TRPV1: variants seen among roughly 807,000 people sequenced by gnomAD.
The protein encoded by TRPV1 is OTRPC1.
A neutral mutation model predicts 82.3 loss-of-function variants in TRPV1; 82 were observed. The ratio of observed to expected loss-of-function variants is 1.00; its 90% confidence interval spans 0.83 to 1.20. The LOEUF is 1.20. TRPV1 is among the 50% of genes most tolerant of loss of function. The pLI is 0.00. For synonymous variants in TRPV1, 515 were observed against 467.7 expected, an observed-to-expected ratio of 1.10 and a Z score of -1.30; for missense variants, 1,067 against 1,096.8, an observed-to-expected ratio of 0.97 and a Z score of 0.38.
chr17:3,570,361 C>A (rs2074836305), intron 16 of TRPV1, among the ~76,000 whole-genome samples: 1 of 141,340 alleles, frequency 7.1e-6, no homozygotes, highest in Admixed American at 7.4e-5. Context: ...CAGAGTGAGA[C>A]TCCATCTCAG....
chr17:3,585,675 C>T, intron 9 of TRPV1, 93 bp downstream of exon 9: 1 of 1,467,632 alleles, frequency 6.8e-7, no homozygotes, highest in South Asian at 1.3e-5. Context: ...AGGGCAGAGC[C>T]TGGGCCTGGG....
rs934517284 is a variant in TRPV1 at position 3,597,737 on chromosome 17, G to A, written c.-33-5354C>T. Among the ~76,000 whole-genome samples, 7 of 147,710 alleles carry A rather than the reference G, an allele frequency of 4.7e-5. No homozygotes were observed. The South Asian group carries it at 6.5e-4, about 14-fold the overall frequency. ...CGTCCAGGCTGGAGTGCAATGGCGC[G>A]ATCTCAGCTCACTGCAACCTCCACC... On this transcript the variant is annotated intron_variant, in intron 2 of 16. Coordinates refer to ENST00000572705, the MANE Select transcript of TRPV1 (RefSeq NM_080704.4).
chr17:3,572,056 G>A, intron 15 of TRPV1, 66 bp downstream of exon 15: 1 of 1,574,446 alleles, frequency 6.4e-7, no homozygotes, highest in South Asian at 1.1e-5. Context: ...CCCTGAGGCA[G>A]GCTCTGTGTC....
Position 3,574,281 on chromosome 17 carries a change from C to T in TRPV1, c.1781-326G>A, listed in dbSNP as rs1332602507. On this transcript the variant is annotated intron_variant, in intron 13 of 16. Coordinates refer to ENST00000572705, the MANE Select transcript of TRPV1 (RefSeq NM_080704.4). ...CATCACACCCTGTTGGCCTGCATCC[C>T]TCAGAGGTCCATTTTGCTCCATGAG... Among the ~76,000 whole-genome samples the T allele has an allele frequency of 2.0e-5, 3 of 152,186 alleles. No individual in the cohort carries two copies. In the East Asian group the frequency reaches 5.8e-4, roughly 29 times the overall value.
In TRPV1 at chr17:3,583,222, C is replaced by T. The variant is rs560881211; in HGVS notation, c.1476+116G>A. Reference sequence around the variant, plus strand: ...TCTTCACCTCTGCGTCTCTCAGCTCCCCAAGTAGGGCTATGATGTGTCTGA... The same window carrying T: ...TCTTCACCTCTGCGTCTCTCAGCTCTCCAAGTAGGGCTATGATGTGTCTGA... On this transcript the variant is annotated intron_variant, in intron 10 of 16. Coordinates refer to ENST00000572705, the MANE Select transcript of TRPV1 (RefSeq NM_080704.4). 29 of 939,414 alleles carry T rather than the reference C, an allele frequency of 3.1e-5. No homozygotes were observed. In the African/African-American group the frequency reaches 4.1e-4, roughly 13 times the overall value. The allele number at this position is 939,414 out of a possible 1,614,324, so 58.2% of individuals were successfully genotyped here.
intron 5 of TRPV1, 62 bp from the exon 6 acceptor site, chr17:3,590,454 G>A: frequency 6.3e-7 from 1 of 1,589,504 alleles, no homozygotes; most frequent in South Asian, 1.1e-5. Flanking sequence ...CGGGACAGGT[G>A]CTGGGGAAGG....
chr17:3,585,625 C>G, intron 9 of TRPV1, 143 bp downstream of exon 9: 1 of 1,025,432 alleles, frequency 9.8e-7, no homozygotes, highest in East Asian at 2.6e-5. Flanking sequence ...AGGTTCTCCA[C>G]GTTCTCCATC....
chr17:3,597,968 G>A (rs899445495), intron 2 of TRPV1, among the ~76,000 whole-genome samples: 11 of 152,086 alleles, frequency 7.2e-5, no homozygotes, highest in South Asian at 2.1e-4. Flanking sequence ...CACTGCGCCC[G>A]GCCACAAGTG....
chr17:3,583,248 T>C, intron 10 of TRPV1, 90 bp downstream of exon 10: 3 of 1,132,732 alleles, frequency 2.6e-6, no homozygotes, highest in Non-Finnish European at 3.8e-6. Flanking sequence ...ATGTGTCTGA[T>C]GAATTAAAAA....
At chr17:3,584,685 A>G (rs1048078143) in intron 9 of TRPV1, among the ~76,000 whole-genome samples, 1 of 151,784 alleles carries the variant, frequency 6.6e-6, no homozygotes, top group African/African-American at 2.4e-5. Flanking sequence ...AGTCCCAGCT[A>G]TTCGGGAGGC....
At position 3,590,366 on chromosome 17, in the gene TRPV1, C is replaced by T. The variant is rs369148671; in HGVS notation, c.631G>A (p.Glu211Lys). ...GTCACCAGGGCCATGTTGCGTCTCT[C>T]GATGGCGATGTGCAGTGCTGTCTGG... is the stretch of plus-strand genomic sequence containing the variant. The part of the protein sequence containing the change: ...KGQTALHIAI[E>K]RRNMALVTLL... The change falls in exon 6 of 17, where the codon GAG becomes AAG. Residue 211 changes from glutamate (E) to lysine (K), a missense_variant. By Grantham distance (56) the Glu-to-Lys change is moderately conservative. Transcript: ENST00000572705. 11 of 1,613,852 alleles carry T rather than the reference C, an allele frequency of 6.8e-6. No homozygotes were observed. In the East Asian group the frequency reaches 8.9e-5, roughly 13 times the overall value.
In TRPV1 at chr17:3,585,881, G is replaced by GC; in HGVS notation, c.1269dup (p.Gln424AlafsTer42). The GC allele has an allele frequency of 6.2e-7, 1 of 1,614,038 alleles. No individual in the cohort carries two copies. Among genetic ancestry groups the GC allele is most frequent in the South Asian group, 1.1e-5 (1 of 91,082 alleles). On this transcript the variant is annotated frameshift_variant, in exon 9 of 17. Coordinates refer to ENST00000572705, the MANE Select transcript of TRPV1 (RefSeq NM_080704.4). LOFTEE classifies it high-confidence loss of function. ...TTGACGAATCTGTCCCACTTGTCCT[G>GC]CAGGAGTCGGTTCAGCGGCTCCACC...
chr17:3,584,402 C>CAAAAAAAAAAAAAAAAAA (rs1447579699), intron 9 of TRPV1, among the ~76,000 whole-genome samples: 14 of 16,776 alleles, frequency 8.3e-4, no homozygotes, highest in African/African-American at 3.0e-3. Context: ...GACTCTGTCT[C>CAAAAAAAAAAAAAAAAAA]AAAAAAAAAA....
chr17:3,597,537 C>T lies in TRPV1; in HGVS notation c.-33-5154G>A, dbSNP rs566499534. 5.9e-5 allele frequency among the ~76,000 whole-genome samples: 9 copies of T among 152,230 alleles called. No individual in the cohort carries two copies. In the East Asian group the frequency reaches 9.6e-4, roughly 16 times the overall value. On this transcript the variant is annotated intron_variant, in intron 2 of 16. Coordinates refer to ENST00000572705, the MANE Select transcript of TRPV1 (RefSeq NM_080704.4). The stretch of plus-strand genomic sequence containing the variant: ...TAGTCCCTAACTCTCTTAGGCCTCT[C>T]GTTCCTGGGTCCCCAAACCTGGAGT...
In TRPV1 at chr17:3,586,013, A is replaced by C. The variant is rs550082837; in HGVS notation, c.1225-87T>G. 62 of 1,533,626 alleles carry C rather than the reference A, an allele frequency of 4.0e-5. No homozygotes were observed. In the African/African-American group the frequency reaches 8.3e-4, roughly 20 times the overall value. On this transcript the variant is annotated intron_variant, in intron 8 of 16. Transcript: ENST00000572705. ...CCAGCCCGTGGTGCCCCTCACAGCC[A>C]TGTGGCCCGCACAGTCCTCAGCCCA...
rs779577796 is a variant in TRPV1, at chr17:3,585,781, G to A, written c.1370C>T (p.Pro457Leu). 58 of 1,613,264 alleles carry A rather than the reference G, an allele frequency of 3.6e-5. No homozygotes were observed. In the South Asian group the frequency reaches 6.2e-4, roughly 17 times the overall value. The change falls in exon 9 of 17, where the codon CCC becomes CTC. Residue 457 changes from proline (P) to leucine (L), a missense_variant. Physicochemically the swap from Pro to Leu is moderately conservative, Grantham distance 98. Coordinates refer to ENST00000572705, the MANE Select transcript of TRPV1 (RefSeq NM_080704.4). ...IIFTMAAYYR[P>L]VDGLPPFKME... Reference sequence around the variant, plus strand: ...CTCTGGCCGCACCAAGCCATCCACGGGCCTGTAGTAGGCAGCCATGGTGAA... The same window carrying A: ...CTCTGGCCGCACCAAGCCATCCACGAGCCTGTAGTAGGCAGCCATGGTGAA...
At position 3,585,872 on chromosome 17, in the gene TRPV1, A is replaced by G. The variant is rs749663100; in HGVS notation, c.1279T>C (p.Trp427Arg). ...EPLNRLLQDK[W>R]DRFVKRIFYF... Reference sequence around the variant, plus strand: ...AAGATGCGCTTGACGAATCTGTCCCACTTGTCCTGCAGGAGTCGGTTCAGC... The same window carrying G: ...AAGATGCGCTTGACGAATCTGTCCCGCTTGTCCTGCAGGAGTCGGTTCAGC... Residue 427 changes from tryptophan to arginine, a missense_variant, in exon 9 of 17, where the codon TGG (tryptophan) becomes CGG (arginine). Coordinates refer to ENST00000572705, the MANE Select transcript of TRPV1 (RefSeq NM_080704.4). The G allele has an allele frequency of 1.1e-5, 18 of 1,613,734 alleles. No individual in the cohort carries two copies. In the South Asian group the frequency reaches 1.8e-4, roughly 16 times the overall value.
chr17:3,584,814 T>G (rs2075064755), intron 9 of TRPV1, among the ~76,000 whole-genome samples: 1 of 152,108 alleles, frequency 6.6e-6, no homozygotes, highest in Admixed American at 6.6e-5. Flanking sequence ...AAAAATTAAG[T>G]AAGTAAGTAA....
intron 12 of TRPV1, among the ~76,000 whole-genome samples, 200 bp downstream of exon 12, chr17:3,577,397 AG>A (rs538465503): frequency 5.9e-5 from 9 of 152,012 alleles, no homozygotes; most frequent in Admixed American, 1.3e-4. Context: ...CCTGGTGTGC[AG>A]GGGGGGTCAG....
Sources: gnomAD v4.1 joint callset for allele counts (sites outside exome capture counted in the v4.1 genomes callset) on GRCh38, gnomAD v4.1.1 for gene constraint, MANE v1.5 for transcripts, NCBI Gene and HGNC (gene_info 2026-07-23, HGNC 2026-07-21) for gene names.